DCC: variants seen among roughly 807,000 people sequenced by gnomAD.
DCC encodes the protein netrin receptor DCC.
DCC carries 58 observed loss-of-function variants against 172.5 expected under a neutral mutation model. The ratio of observed to expected loss-of-function variants is 0.34; its 90% CI spans 0.27 to 0.42. DCC has a LOEUF of 0.42. DCC is among the 10% of genes least tolerant of loss of function. The probability of loss-of-function intolerance (pLI) is 1.00; values close to 1 mark genes in which losing one functional copy is unlikely to be tolerated. For synonymous variants in DCC, 709 were observed against 644.5 expected (o/e 1.10, Z -1.52); for missense variants, 1,740 against 1,791.0 (o/e 0.97, Z 0.51).
intron 13 of DCC, among the ~76,000 whole-genome samples, chr18:53,312,610 CAGG>C (rs1348432168): frequency 6.6e-6 from 1 of 150,930 alleles, no homozygotes; most frequent in African/African-American, 2.4e-5. Context: ...GAGGGCAGAT[CAGG>C]AGGTCAGGAG....
At chr18:52,949,664 C>A (rs957374166) in intron 5 of DCC, among the ~76,000 whole-genome samples, 1 of 152,128 alleles carries the variant, frequency 6.6e-6, no homozygotes, top group Non-Finnish European at 1.5e-5. Flanking sequence ...TTTCCTCTTG[C>A]CTTCAAAGTG....
At chr18:53,314,988 A>G (rs2057326473) in intron 13 of DCC, among the ~76,000 whole-genome samples, 2 of 152,160 alleles carry the variant, frequency 1.3e-5, no homozygotes, top group South Asian at 2.1e-4. Context: ...TTATAACTTA[A>G]GTTCTGGAAT....
At chr18:53,201,063 C>A (rs188182027) in intron 9 of DCC, among the ~76,000 whole-genome samples, 15 of 152,084 alleles carry the variant, frequency 9.9e-5, no homozygotes, top group African/African-American at 3.6e-4. Context: ...TGTCACATCA[C>A]CCCATTGTGC....
At chr18:53,087,674 G>T (rs906789353) in intron 7 of DCC, among the ~76,000 whole-genome samples, 4 of 151,872 alleles carry the variant, frequency 2.6e-5, no homozygotes, top group Admixed American at 2.0e-4. Flanking sequence ...TGAAGTCCTT[G>T]CCCATGCCTA....
chr18:52,811,296 T>C (rs1367856632), intron 2 of DCC, among the ~76,000 whole-genome samples: 1 of 152,188 alleles, frequency 6.6e-6, no homozygotes, highest in Non-Finnish European at 1.5e-5. Flanking sequence ...GGTGGTATTA[T>C]GTAATGAAAA....
chr18:52,594,225 T>C lies in DCC; in HGVS notation c.92-157829T>C, dbSNP rs1355936658. Among the ~76,000 whole-genome samples, 4 of 152,364 alleles carry C rather than the reference T, an allele frequency of 2.6e-5. No homozygotes were observed. The East Asian group carries it at 5.8e-4, about 22-fold the overall frequency. On this transcript the variant is annotated intron_variant, in intron 1 of 28. Coordinates refer to ENST00000442544, the MANE Select transcript of DCC (RefSeq NM_005215.4). Reference sequence around the variant, plus strand: ...CTTCTGGGTGCTTTAGATTAAGAACTGATCCACATATAGCTGGCTCTTTAA... The same window carrying C: ...CTTCTGGGTGCTTTAGATTAAGAACCGATCCACATATAGCTGGCTCTTTAA...
intron 13 of DCC, among the ~76,000 whole-genome samples, chr18:53,310,073 C>A (rs1037182934): frequency 6.6e-6 from 1 of 151,212 alleles, no homozygotes; most frequent in African/African-American, 2.4e-5. Flanking sequence ...GAAAATCGTT[C>A]CCTCCTCTCC....
intron 13 of DCC, among the ~76,000 whole-genome samples, chr18:53,310,237 A>G (rs2057250714): frequency 6.6e-6 from 1 of 152,110 alleles, no homozygotes; most frequent in Non-Finnish European, 1.5e-5. Context: ...TATATATAGC[A>G]CTTACACACT....
At chr18:53,437,454 C>T (rs1322737934) in intron 22 of DCC, among the ~76,000 whole-genome samples, 2 of 151,808 alleles carry the variant, frequency 1.3e-5, no homozygotes, top group Non-Finnish European at 2.9e-5. Context: ...GTGGCACGCA[C>T]CTGTAGTCCC....
intron 8 of DCC, among the ~76,000 whole-genome samples, chr18:53,168,784 G>A (rs1389873865): frequency 1.3e-5 from 2 of 152,032 alleles, no homozygotes; most frequent in Non-Finnish European, 2.9e-5. Context: ...CATGAACATA[G>A]GGGTCCTGGG....
rs570066220 is a variant in DCC at position 52,873,296 on chromosome 18, C to T, written c.413-32748C>T. ...TACAGAGGTCGGGACAGAAGCATCT[C>T]TTTCATCCGGCAAAGAGCTTATGGA... On this transcript the variant is annotated intron_variant, in intron 2 of 28. Transcript: ENST00000442544. 5.4e-4 allele frequency among the ~76,000 whole-genome samples: 83 copies of T among 152,310 alleles called. No individual in the cohort carries two copies. The South Asian group carries it at 0.017, about 31-fold the overall frequency.
chr18:53,037,210 T>C (rs1286087593), intron 5 of DCC, among the ~76,000 whole-genome samples: 2 of 151,994 alleles, frequency 1.3e-5, no homozygotes, highest in African/African-American at 4.8e-5. Context: ...ATTTCGTTTC[T>C]TTGTGTTCTA....
chr18:53,367,090 G>A, intron 15 of DCC, among the ~76,000 whole-genome samples: 1 of 152,140 alleles, frequency 6.6e-6, no homozygotes, highest in East Asian at 1.9e-4. Flanking sequence ...TTGCACACAA[G>A]AATGGACAAG....
chr18:52,732,018 C>G (rs1435562106), intron 1 of DCC, among the ~76,000 whole-genome samples: 2 of 152,058 alleles, frequency 1.3e-5, no homozygotes, highest in East Asian at 3.9e-4. Context: ...GAAAAATTCC[C>G]ACTCCCAATA....
In DCC at chr18:53,304,197, TG is replaced by T. The variant is rs544584837; in HGVS notation, c.1912-1378del. ...ACATGGCAGGCCAAAAGGCAACATT[TG>T]GGTGTGAAAACAGGAATGACTGTTC... On this transcript the variant is annotated intron_variant, in intron 12 of 28. Transcript: ENST00000442544. 1.6e-3 allele frequency among the ~76,000 whole-genome samples: 242 copies of T among 152,200 alleles called. 1 individual carries two copies. The highest frequency in any genetic ancestry group is 5.5e-3 in the African/African-American group (228 of 41,528).
At chr18:53,042,237 G>A (rs894714237) in intron 5 of DCC, among the ~76,000 whole-genome samples, 1 of 151,922 alleles carries the variant, frequency 6.6e-6, no homozygotes, top group African/African-American at 2.4e-5. Flanking sequence ...TTTATCAAAG[G>A]CCTTTTCAGC....
At chr18:53,010,264 G>C (rs1212753143) in intron 5 of DCC, among the ~76,000 whole-genome samples, 1 of 151,790 alleles carries the variant, frequency 6.6e-6, no homozygotes, top group African/African-American at 2.4e-5. Context: ...TAATTAAAAT[G>C]CCCACGCTTT....
chr18:52,644,099 C>A, intron 1 of DCC, among the ~76,000 whole-genome samples: 1 of 152,028 alleles, frequency 6.6e-6, no homozygotes, highest in East Asian at 1.9e-4. Context: ...TCCCAGGAAG[C>A]CATTTGCTCA....
At chr18:53,168,502 G>A (rs2054960140) in intron 8 of DCC, among the ~76,000 whole-genome samples, 1 of 144,736 alleles carries the variant, frequency 6.9e-6, no homozygotes, top group Non-Finnish European at 1.5e-5. Context: ...ACTTACAACT[G>A]GGAGTTGAAC....
Sources: allele counts gnomAD v4.1 joint callset (sites outside exome capture counted in the v4.1 genomes callset), GRCh38; gene constraint gnomAD v4.1.1; transcripts MANE v1.5; gene names NCBI Gene and HGNC (gene_info 2026-07-23, HGNC 2026-07-21).